The following LRRTM4 variants were observed in gnomAD, a reference collection of about 807,000 sequenced individuals.
The protein encoded by LRRTM4 is leucine rich repeat transmembrane neuronal 4.
LRRTM4 carries 25 observed loss-of-function variants against 47.6 expected under a neutral mutation model. The observed-to-expected ratio is 0.53, with a 90% CI of 0.38 to 0.73. LRRTM4 has a LOEUF of 0.73. Among genes scored for constraint, LRRTM4 ranks in the 30% least tolerant of loss-of-function variants. LRRTM4 has a pLI of 0.00. For missense variants in LRRTM4, 638 were observed against 713.4 expected (o/e 0.89, Z 1.20); for synonymous variants, 311 against 269.5 (o/e 1.15, Z -1.51).
At chr2:77,468,406 A>G (rs1443135739) in intron 3 of LRRTM4, among the ~76,000 whole-genome samples, 2 of 152,240 alleles carry the variant, frequency 1.3e-5, no homozygotes, top group Non-Finnish European at 2.9e-5. Context: ...ACAAGAAGAC[A>G]AGAATGGGCA....
chr2:77,314,680 T>C (rs79744421), intron 3 of LRRTM4, among the ~76,000 whole-genome samples: 3,190 of 152,300 alleles, frequency 0.021, 59 homozygotes, highest in East Asian at 0.041. Context: ...TTAGGGATCT[T>C]TAGAGGATTA....
Position 77,411,476 on chromosome 2 carries a change from G to A in LRRTM4, c.1551+106842C>T, listed in dbSNP as rs868236040. Among the ~76,000 whole-genome samples, 11 of 122,720 alleles carry A rather than the reference G, an allele frequency of 9.0e-5. 1 individual carries two copies. Among genetic ancestry groups the A allele is most frequent in the Admixed American group, 3.9e-4 (4 of 10,310 alleles). 80.5% of individuals were successfully genotyped at this position (122,720 alleles called of 152,430 possible). A position where few individuals can be genotyped will look rare whatever the true frequency, so the allele number is the denominator to read the frequency against. ...CTTTTTTTTTTTTTTTTTTTGAGACGGAGTCTTGCTCTGTCGCCCAGGCTG... is the reference window on the plus strand; with the variant it reads ...CTTTTTTTTTTTTTTTTTTTGAGACAGAGTCTTGCTCTGTCGCCCAGGCTG... On this transcript the variant is annotated intron_variant, in intron 3 of 3. Coordinates refer to ENST00000409884, the MANE Select transcript of LRRTM4 (RefSeq NM_001134745.3).
At chr2:77,120,897 A>G (rs1377066632) in intron 3 of LRRTM4, among the ~76,000 whole-genome samples, 1 of 151,780 alleles carries the variant, frequency 6.6e-6, no homozygotes, top group Non-Finnish European at 1.5e-5. Flanking sequence ...ATATAATTTA[A>G]TTTGGCTTTA....
At chr2:76,807,250 G>T (rs1161084155) in intron 3 of LRRTM4, among the ~76,000 whole-genome samples, 1 of 151,524 alleles carries the variant, frequency 6.6e-6, no homozygotes, top group Admixed American at 6.6e-5. Flanking sequence ...ATTTTCAACT[G>T]CAAGGACAAG....
chr2:77,429,542 C>T (rs1325440071), intron 3 of LRRTM4, among the ~76,000 whole-genome samples: 4 of 152,010 alleles, frequency 2.6e-5, no homozygotes, highest in Admixed American at 2.0e-4. Context: ...AAAATCCTGT[C>T]GTTTACAACG....
At chr2:77,400,250 G>A (rs542565081) in intron 3 of LRRTM4, among the ~76,000 whole-genome samples, 2 of 151,324 alleles carry the variant, frequency 1.3e-5, no homozygotes, top group East Asian at 1.9e-4. Flanking sequence ...TGTTTTTTGC[G>A]ATTTTTGATT....
At chr2:77,332,072 T>C (rs575972260) in intron 3 of LRRTM4, among the ~76,000 whole-genome samples, 50 of 152,144 alleles carry the variant, frequency 3.3e-4, no homozygotes, top group African/African-American at 1.1e-3. Flanking sequence ...TAAGAAGAAC[T>C]TTCATCCCCA....
intron 3 of LRRTM4, among the ~76,000 whole-genome samples, chr2:76,844,839 AGATT>A (rs1433661503): frequency 6.6e-6 from 1 of 152,152 alleles, no homozygotes. Context: ...TTCAGCTTAG[AGATT>A]GATTAGTCTT....
intron 3 of LRRTM4, among the ~76,000 whole-genome samples, chr2:76,790,039 T>C (rs1674892055): frequency 6.6e-6 from 1 of 152,198 alleles, no homozygotes; most frequent in Non-Finnish European, 1.5e-5. Context: ...TGTTCCCTCT[T>C]GTTCATTCCT....
chr2:76,846,437 C>G (rs76203792), intron 3 of LRRTM4, among the ~76,000 whole-genome samples: 12,385 of 152,034 alleles, frequency 0.081, 1,231 homozygotes, highest in African/African-American at 0.23. Flanking sequence ...TAAAATGGAT[C>G]AAAATTCAGA....
At chr2:77,176,583 C>CA (rs1367561001) in intron 3 of LRRTM4, among the ~76,000 whole-genome samples, 8 of 152,122 alleles carry the variant, frequency 5.3e-5, no homozygotes. Flanking sequence ...AATAATCAGG[C>CA]AGCAGGAGGG....
chr2:77,013,611 G>A (rs554764393), intron 3 of LRRTM4, among the ~76,000 whole-genome samples: 26 of 152,180 alleles, frequency 1.7e-4, no homozygotes, highest in African/African-American at 5.8e-4. Flanking sequence ...CAGGATACGA[G>A]TTACAATAGT....
chr2:77,427,902 C>G (rs868820140), intron 3 of LRRTM4, among the ~76,000 whole-genome samples: 1 of 152,144 alleles, frequency 6.6e-6, no homozygotes, highest in African/African-American at 2.4e-5. Flanking sequence ...CCAACTGATA[C>G]GGTTTGGCTG....
intron 3 of LRRTM4, among the ~76,000 whole-genome samples, chr2:77,407,696 GAT>G (rs1241830198): frequency 3.3e-5 from 4 of 120,226 alleles, no homozygotes; most frequent in South Asian, 2.8e-4. Context: ...TATAATATAT[GAT>G]ATATATAATA....
chr2:76,844,146 C>T (rs928923750), intron 3 of LRRTM4, among the ~76,000 whole-genome samples: 1 of 151,288 alleles, frequency 6.6e-6, no homozygotes, highest in African/African-American at 2.4e-5. Flanking sequence ...TGTGATCCAC[C>T]TGCCTCAAGA....
Position 76,955,616 on chromosome 2 carries a change from A to G in LRRTM4, c.1552-206700T>C, listed in dbSNP as rs539896245. On this transcript the variant is annotated intron_variant, in intron 3 of 3. Coordinates refer to ENST00000409884, the MANE Select transcript of LRRTM4 (RefSeq NM_001134745.3). Reference sequence around the variant, plus strand: ...TCATATGTTGAGTTCTCAATTCCCAATACGATGCTATGTAGAGGTGGGGCC... The same window carrying G: ...TCATATGTTGAGTTCTCAATTCCCAGTACGATGCTATGTAGAGGTGGGGCC... 4.6e-5 allele frequency among the ~76,000 whole-genome samples: 7 copies of G among 151,904 alleles called. No individual in the cohort carries two copies. In the South Asian group the frequency reaches 1.2e-3, roughly 27 times the overall value.
At chr2:76,995,608 G>T (rs1273483297) in intron 3 of LRRTM4, among the ~76,000 whole-genome samples, 1 of 151,954 alleles carries the variant, frequency 6.6e-6, no homozygotes, top group Non-Finnish European at 1.5e-5. Flanking sequence ...ACCCACAAAA[G>T]TAGATCCAAA....
chr2:76,773,145 T>G (rs1211287522), intron 3 of LRRTM4: 1 of 152,232 alleles, frequency 6.6e-6, no homozygotes, highest in Non-Finnish European at 1.5e-5. Flanking sequence ...AGACATCTCT[T>G]TGAAATGTAA....
At chr2:77,254,149 G>C (rs1044148205) in intron 3 of LRRTM4, among the ~76,000 whole-genome samples, 1 of 151,784 alleles carries the variant, frequency 6.6e-6, no homozygotes, top group Non-Finnish European at 1.5e-5. Context: ...AAAGAAAAAA[G>C]TATTGAAAGC....
Sources: gnomAD v4.1 joint callset for allele counts (sites outside exome capture counted in the v4.1 genomes callset) on GRCh38, gnomAD v4.1.1 for gene constraint, MANE v1.5 for transcripts, NCBI Gene and HGNC (gene_info 2026-07-23, HGNC 2026-07-21) for gene names.